The following PRH1 variants were observed in gnomAD, a reference collection of about 807,000 sequenced individuals.
The protein encoded by PRH1 is proline rich protein HaeIII subfamily 1, also known as salivary acidic proline-rich phosphoprotein 1/2.
Under a neutral mutation model 7.9 loss-of-function variants are expected in PRH1, and 7 were observed. The observed-to-expected ratio is 0.89, with a 90% CI of 0.50 to 1.67. The LOEUF (loss-of-function observed/expected upper bound fraction) is 1.67. Among genes scored for constraint, PRH1 ranks in the 40% most tolerant of loss-of-function variants. PRH1 has a pLI of 0.00. For synonymous variants in PRH1, 45 were observed against 80.8 expected (o/e 0.56, Z 2.38); for missense variants, 109 against 223.6 (o/e 0.49, Z 3.27).
chr12:11,104,587 T>C (rs1182784591), intron 1 of PRH1, among the ~76,000 whole-genome samples: 1 of 146,204 alleles, frequency 6.8e-6, no homozygotes, highest in East Asian at 2.0e-4. Flanking sequence ...AATTTCTTTA[T>C]CCATTTGGAG....
chr12:11,160,006 C>T (rs1261293522), intron 1 of PRH1, among the ~76,000 whole-genome samples: 1 of 152,178 alleles, frequency 6.6e-6, no homozygotes, highest in Admixed American at 6.5e-5. Flanking sequence ...TCAGCATCAG[C>T]CACAATTTTC....
chr12:11,063,330 T>C (rs1037262230), intron 1 of PRH1, among the ~76,000 whole-genome samples: 5 of 152,082 alleles, frequency 3.3e-5, no homozygotes, highest in Non-Finnish European at 7.4e-5. Flanking sequence ...ACACTTTGCA[T>C]AGAGATTTCA....
chr12:10,952,974 A>G (rs377318495), intron 2 of PRH1, among the ~76,000 whole-genome samples: 1 of 152,190 alleles, frequency 6.6e-6, no homozygotes, highest in Non-Finnish European at 1.5e-5. Flanking sequence ...CCCAATGTTG[A>G]GGTGCCAGAG....
chr12:11,007,450 A>T (rs74062419), intron 1 of PRH1, among the ~76,000 whole-genome samples: 1 of 152,132 alleles, frequency 6.6e-6, no homozygotes, highest in Admixed American at 6.6e-5. Context: ...TTTATCAAAC[A>T]TATTTCTCAT....
rs1310027917 is a variant in PRH1 at position 11,026,464 on chromosome 12, G to C, written c.-126+20556C>G. On this transcript the variant is annotated intron_variant, in intron 1 of 3. Coordinates refer to the PRH1 transcript ENST00000539853. ...AATAGATATGTATGGCAGCCGGCAG[G>C]ACTCACATTCTTCGTGAACTGTAGA... Among the ~76,000 whole-genome samples, 5 of 151,378 alleles carry C rather than the reference G, an allele frequency of 3.3e-5. 2 individuals carry two copies. The highest frequency in any genetic ancestry group is 2.0e-4 in the Admixed American group (3 of 15,190).
intron 2 of PRH1, chr12:10,909,441 A>G (rs1949862835): frequency 1.6e-6 from 1 of 622,660 alleles, no homozygotes; most frequent in Non-Finnish European, 2.8e-6. Context: ...CTCAACGTCA[A>G]AGCAGAAATC....
chr12:10,951,371 A>G (rs1050323156), intron 2 of PRH1, among the ~76,000 whole-genome samples: 5 of 152,196 alleles, frequency 3.3e-5, no homozygotes, highest in South Asian at 4.1e-4. Context: ...AACTTGTATC[A>G]TGACTGCTGT....
chr12:10,956,895 G>A (rs986602391), intron 2 of PRH1, among the ~76,000 whole-genome samples: 2 of 152,086 alleles, frequency 1.3e-5, no homozygotes, highest in African/African-American at 4.8e-5. Flanking sequence ...ACAAGAGACT[G>A]TTCAATTAAA....
intron 1 of PRH1, among the ~76,000 whole-genome samples, chr12:11,081,655 T>C (rs1944504853): frequency 8.6e-6 from 1 of 116,290 alleles, no homozygotes; most frequent in Admixed American, 8.7e-5. Flanking sequence ...TGACCAGAAC[T>C]ACCTCTCAAA....
rs567777781 is a variant in PRH1 at position 10,915,577 on chromosome 12, G to A, written c.-58-31302C>T. ...GTATATTAAAATGGAGGCCAGGTCT[G>A]AAGAATCCCTAGGCAGACAAAGCCA... is the stretch of plus-strand genomic sequence containing the variant. On this transcript the variant is annotated intron_variant, in intron 2 of 3. Coordinates refer to the PRH1 transcript ENST00000539853. 9.6e-4 allele frequency among the ~76,000 whole-genome samples: 102 copies of A among 106,142 alleles called. 36 individuals are homozygous for A. The highest frequency in any genetic ancestry group is 2.0e-3 in the South Asian group (5 of 2,466). The allele number at this position is 106,142 out of a possible 152,430, so 69.6% of individuals were successfully genotyped here. A position where few individuals can be genotyped will look rare whatever the true frequency, so the allele number is the denominator to read the frequency against.
At chr12:10,970,564 T>G (rs183709895) in intron 2 of PRH1, among the ~76,000 whole-genome samples, 11 of 84,366 alleles carry the variant, frequency 1.3e-4, no homozygotes, top group Middle Eastern at 5.3e-3. Context: ...AGTTTTTTTG[T>G]TTTTTTTTTT....
At chr12:10,888,497 G>A (rs944675830), upstream of PRH1, among the ~76,000 whole-genome samples, 2 of 152,170 alleles carry the variant, frequency 1.3e-5, no homozygotes, top group African/African-American at 4.8e-5. Context: ...AAATATTTGT[G>A]ACTTAAAGTA....
chr12:11,109,403 A>G (rs1026293131), intron 1 of PRH1, among the ~76,000 whole-genome samples: 1 of 152,112 alleles, frequency 6.6e-6, no homozygotes, highest in African/African-American at 2.4e-5. Context: ...GTGGACAGAA[A>G]CCTCATACAG....
chr12:11,091,835 A>G (rs1325886110), intron 1 of PRH1: 1 of 1,488,176 alleles, frequency 6.7e-7, no homozygotes, highest in Non-Finnish European at 9.3e-7. Flanking sequence ...CCCCAACAAC[A>G]TCACCAGAAT....
chr12:10,956,494 C>A (rs536863962), intron 2 of PRH1, among the ~76,000 whole-genome samples: 1 of 152,174 alleles, frequency 6.6e-6, no homozygotes, highest in African/African-American at 2.4e-5. Flanking sequence ...GGAAGCATTA[C>A]CCCTTGAAAA....
chr12:10,889,205 A>C (rs1396408501), upstream of PRH1, among the ~76,000 whole-genome samples: 2 of 152,206 alleles, frequency 1.3e-5, no homozygotes, highest in East Asian at 3.8e-4. Context: ...GTTGGAAAGA[A>C]ATTCTCCTAG....
intron 1 of PRH1, among the ~76,000 whole-genome samples, chr12:11,156,093 T>A (rs1043763244): frequency 6.6e-6 from 1 of 152,224 alleles, no homozygotes; most frequent in South Asian, 2.1e-4. Flanking sequence ...TCTTCAACTT[T>A]GTATTTTCAG....
intron 2 of PRH1, among the ~76,000 whole-genome samples, chr12:10,956,581 A>G (rs115044966): frequency 0.02 from 3,020 of 152,278 alleles, 34 homozygotes; most frequent in South Asian, 0.031. Context: ...GCAATCAGGA[A>G]GAGAAATAAA....
chr12:10,908,702 G>A, intron 2 of PRH1: 1 of 1,613,868 alleles, frequency 6.2e-7, no homozygotes, highest in Non-Finnish European at 8.5e-7. Context: ...AAATTAACAG[G>A]AGAAAAGAGA....
Sources: gnomAD v4.1 joint callset for allele counts (sites outside exome capture counted in the v4.1 genomes callset) on GRCh38, gnomAD v4.1.1 for gene constraint, MANE v1.5 for transcripts, NCBI Gene and HGNC (gene_info 2026-07-23, HGNC 2026-07-21) for gene names.